Variants in CRYBG2 observed in about 807,000 individuals in gnomAD.
CRYBG2 encodes the protein beta/gamma crystallin domain-containing protein 2.
In CRYBG2, 106 loss-of-function variants were observed where a neutral mutation model predicts 153.4. The observed-to-expected ratio is 0.69, with a 90% CI of 0.59 to 0.81. CRYBG2 has a LOEUF of 0.81. Among genes scored for constraint, CRYBG2 ranks in the 30% least tolerant of loss-of-function variants. The pLI is 0.00. For missense variants in CRYBG2, 1,996 were observed against 2,112.0 expected (o/e 0.95, Z 1.08); for synonymous variants, 851 against 877.8 (o/e 0.97, Z 0.54).
Position 26,339,361 on chromosome 1 carries a change from T to C in CRYBG2, c.3273A>G (p.Thr1091=), listed in dbSNP as rs1330288194. The change falls in exon 6 of 20, where the codon ACA becomes ACG. Residue 1091 remains threonine (T), a synonymous_variant. Coordinates refer to ENST00000308182, the MANE Select transcript of CRYBG2 (RefSeq NM_001039775.4). The stretch of plus-strand genomic sequence containing the variant: ...GACCCTGGGAATTCTTCAAGGCCTC[T>C]GTTAGCTTCACTTGCTCCCCCTTGA... The part of the protein sequence containing the change: ...EGLKGEQVKL[T]EALKNSQGLE... The C allele has an allele frequency of 6.2e-7, 1 of 1,614,236 alleles. No homozygotes were observed. The highest frequency in any genetic ancestry group is 1.1e-5 in the South Asian group (1 of 91,086).
chr1:26,341,296 A>G (rs11247922), intron 5 of CRYBG2, among the ~76,000 whole-genome samples: 131,666 of 151,276 alleles, frequency 0.87, 58,208 homozygotes, highest in Non-Finnish European at 0.93. Context: ...AGCCGAGATC[A>G]TACCACTGCA....
In CRYBG2 at chr1:26,322,728, CTAAAGAT is replaced by C. The variant is rs542670148; in HGVS notation, c.4738-412_4738-406del. Among the ~76,000 whole-genome samples, 144 of 152,336 alleles carry C rather than the reference CTAAAGAT, an allele frequency of 9.5e-4. 1 individual carries two copies. The highest frequency in any genetic ancestry group is 3.4e-3 in the African/African-American group (140 of 41,576). ...AAGACCTGCCCCACGGTACTCTAGA[CTAAAGAT>C]TATAGGAGGCATTTGTGTGAAGAAC... is the stretch of plus-strand genomic sequence containing the variant. On this transcript the variant is annotated intron_variant, in intron 18 of 19. Transcript: ENST00000308182.
intron 17 of CRYBG2, among the ~76,000 whole-genome samples, chr1:26,326,395 G>A (rs1041095874): frequency 4.6e-5 from 7 of 151,676 alleles, no homozygotes; most frequent in Admixed American, 2.0e-4. Flanking sequence ...AAAATTAGCC[G>A]GGCATGGTGG....
chr1:26,344,261 C>T lies in CRYBG2; in HGVS notation c.2397G>A (p.Thr799=), dbSNP rs11247923. The change falls in exon 2 of 20, where the codon ACG becomes ACA. Residue 799 remains threonine (T), a synonymous_variant. Transcript: ENST00000308182. ...PRSSYLSMYA[T]LPAIEEDQLG... is the part of the protein sequence containing the mutation. ...GCTGGTCCTCCTCAATGGCAGGCAG[C>T]GTGGCGTACATGGACAGGTAGGAGG... 0.2 allele frequency: 308,615 copies of T among 1,532,760 alleles called. 31,837 individuals are homozygous for T. Among genetic ancestry groups the T allele is most frequent in the South Asian group, 0.24 (20,351 of 83,628 alleles). The allele number at this position is 1,532,760 out of a possible 1,614,324, so 94.9% of individuals were successfully genotyped here.
At chr1:26,331,091 T>C (rs1250188781) in intron 15 of CRYBG2, among the ~76,000 whole-genome samples, 1 of 152,198 alleles carries the variant, frequency 6.6e-6, no homozygotes, top group African/African-American at 2.4e-5. Flanking sequence ...GCCATCTTTC[T>C]AGCTGGTCCT....
At chr1:26,339,643 G>A (rs866132913) in intron 5 of CRYBG2, among the ~76,000 whole-genome samples, 39 of 152,182 alleles carry the variant, frequency 2.6e-4, no homozygotes, top group South Asian at 1.0e-3. Context: ...GCCTGAGGCA[G>A]GAGAATTGCT....
Position 26,345,977 on chromosome 1 carries a change from G to C in CRYBG2, c.681C>G (p.Gly227=). The C allele has an allele frequency of 6.3e-7, 1 of 1,593,598 alleles. No individual in the cohort carries two copies. Among genetic ancestry groups the C allele is most frequent in the South Asian group, 1.1e-5 (1 of 90,752 alleles). ...VPPVVVGSPP[G]SPSRSQAVKV... ...TCACGGCCTGGCTGCGGCTGGGCGA[G>C]CCTGGTGGGGAGCCCACCACCACTG... is the stretch of plus-strand genomic sequence containing the variant. Residue 227 remains glycine (G), a synonymous_variant, in exon 2 of 20, where the codon GGC becomes GGG. Transcript: ENST00000308182.
At chr1:26,337,128 G>C in intron 10 of CRYBG2, 125 bp downstream of exon 10, 1 of 1,550,002 alleles carries the variant, frequency 6.5e-7, no homozygotes, top group Non-Finnish European at 8.8e-7. Context: ...AGAGAGGCTA[G>C]ACCTCTGGGA....
Position 26,343,237 on chromosome 1 carries a change from C to T in CRYBG2, c.2961+9G>A. On this transcript the variant is annotated intron_variant, in intron 3 of 19. Transcript: ENST00000308182. The surrounding 1 kb of genome is among the most constrained non-coding windows in gnomAD (Gnocchi z 4.1). ...TGCTGCCCCCACCCACTTGCCCCCA[C>T]AACCCTACCTTTCCAGGCCTGGTGT... 6.4e-7 allele frequency: 1 copy of T among 1,550,560 alleles called. No individual in the cohort carries two copies. The highest frequency in any genetic ancestry group is 8.7e-7 in the Non-Finnish European group (1 of 1,147,008).
At chr1:26,342,028 C>T (rs2074137247) in intron 5 of CRYBG2, among the ~76,000 whole-genome samples, 1 of 152,176 alleles carries the variant, frequency 6.6e-6, no homozygotes, top group African/African-American at 2.4e-5. Flanking sequence ...AGATCTCCCC[C>T]CACTGCCTAT....
chr1:26,346,046 G>A lies in CRYBG2; in HGVS notation c.612C>T (p.Gly204=), dbSNP rs374469017. The part of the protein sequence containing the change: ...SSVTVRPVSS[G]EALPRGRQVS... ...CCTGACGGCCCCGTGGCAGGGCCTCGCCTGAGGACACTGGCCTCACAGTCA... is the reference window on the plus strand; with the variant it reads ...CCTGACGGCCCCGTGGCAGGGCCTCACCTGAGGACACTGGCCTCACAGTCA... Residue 204 remains glycine (G), a synonymous_variant, in exon 2 of 20, where the codon GGC becomes GGT. Transcript: ENST00000308182. This position sits in a 1 kb window ranked among gnomAD's most constrained non-coding sequence, Gnocchi z 4.9. The A allele has an allele frequency of 4.4e-5, 70 of 1,589,916 alleles. 1 individual carries two copies. The African/African-American group carries it at 6.5e-4, about 15-fold the overall frequency.
intron 15 of CRYBG2, among the ~76,000 whole-genome samples, chr1:26,329,173 C>T (rs1258467228): frequency 1.4e-4 from 14 of 98,642 alleles, no homozygotes; most frequent in East Asian, 2.8e-4. Context: ...TTATTCTAGG[C>T]TTTTTTTTTT....
chr1:26,348,847 C>T (rs947241393), intron 1 of CRYBG2, among the ~76,000 whole-genome samples: 16 of 151,174 alleles, frequency 1.1e-4, no homozygotes, highest in African/African-American at 2.7e-4. Context: ...TGAGCCACTG[C>T]GCCCGGCCTA....
rs148711978 is a variant in CRYBG2, at chr1:26,351,605, C to A, written c.-56+2431G>T. Among the ~76,000 whole-genome samples the A allele has an allele frequency of 4.5e-3, 689 of 152,256 alleles. 7 individuals carry two copies. Among genetic ancestry groups the A allele is most frequent in the African/African-American group, 0.015 (618 of 41,534 alleles). ...GACAGGAGAGCAATGTTAAAGGAGGCGGCCGATCATGAGATCAGATATTGT... is the reference window on the plus strand; with the variant it reads ...GACAGGAGAGCAATGTTAAAGGAGGAGGCCGATCATGAGATCAGATATTGT... On this transcript the variant is annotated intron_variant, in intron 1 of 19. Transcript: ENST00000308182.
In CRYBG2 at chr1:26,343,359, G is replaced by A. The variant is rs1191532937; in HGVS notation, c.2914-66C>T. ...CCTCTTTTCTGCCTCCCCACAACCC[G>A]CCATTCCAAGGATCCCACATCCTCC... On this transcript the variant is annotated intron_variant, in intron 2 of 19. Coordinates refer to ENST00000308182, the MANE Select transcript of CRYBG2 (RefSeq NM_001039775.4). The surrounding 1 kb of genome is among the most constrained non-coding windows in gnomAD (Gnocchi z 4.1). The A allele has an allele frequency of 4.6e-6, 7 of 1,508,264 alleles. No individual in the cohort carries two copies. Among genetic ancestry groups the A allele is most frequent in the South Asian group, 2.4e-5 (2 of 83,146 alleles). The allele number at this position is 1,508,264 out of a possible 1,614,324, so 93.4% of individuals were successfully genotyped here.
intron 1 of CRYBG2, among the ~76,000 whole-genome samples, chr1:26,348,048 G>A (rs370660255): frequency 3.2e-4 from 49 of 152,270 alleles, no homozygotes; most frequent in African/African-American, 1.0e-3. Context: ...ATCCTTCTGC[G>A]TTAACTCTCC....
rs780620483 is a variant in CRYBG2, at chr1:26,345,204, C to A, written c.1454G>T (p.Ser485Ile). The A allele has an allele frequency of 8.3e-6, 12 of 1,448,402 alleles. No individual in the cohort carries two copies. The highest frequency in any genetic ancestry group is 1.4e-5 in the African/African-American group (1 of 69,522). The allele number at this position is 1,448,402 out of a possible 1,614,324, so 89.7% of individuals were successfully genotyped here. ...GGTGGGGGACGAGGCAGCAGAAGCACTGGACCCCTGCACCACCTCCTTCCG... is the reference window on the plus strand; with the variant it reads ...GGTGGGGGACGAGGCAGCAGAAGCAATGGACCCCTGCACCACCTCCTTCCG... ...PTRKEVVQGS[S>I]ASAASSPTWK... is the part of the protein sequence containing the mutation. The change falls in exon 2 of 20, where the codon AGT becomes ATT. Residue 485 changes from serine to isoleucine, a missense_variant. Transcript: ENST00000308182.
At position 26,324,510 on chromosome 1, in the gene CRYBG2, A is replaced by T. The variant is rs1171940843; in HGVS notation, c.4579-200T>A. Among the ~76,000 whole-genome samples, 311 of 146,472 alleles carry T rather than the reference A, an allele frequency of 2.1e-3. 1 individual carries two copies. Among genetic ancestry groups the T allele is most frequent in the African/African-American group, 4.5e-3 (174 of 38,928 alleles). On this transcript the variant is annotated intron_variant, in intron 17 of 19. Transcript: ENST00000308182. Reference sequence around the variant, plus strand: ...ACATGTATCTCTCTCTCTCTCACACACACACACACACACACACACACACAC... The same window carrying T: ...ACATGTATCTCTCTCTCTCTCACACTCACACACACACACACACACACACAC...
chr1:26,340,144 C>G (rs902535766), intron 5 of CRYBG2, among the ~76,000 whole-genome samples: 1 of 152,196 alleles, frequency 6.6e-6, no homozygotes, highest in Non-Finnish European at 1.5e-5. Flanking sequence ...GCACGTCATC[C>G]CAGGAAGCAG....
Sources: gnomAD v4.1 joint callset for allele counts (sites outside exome capture counted in the v4.1 genomes callset) on GRCh38, gnomAD v4.1.1 for gene constraint, Gnocchi (gnomAD v3.1) non-coding constraint, MANE v1.5 for transcripts, NCBI Gene and HGNC (gene_info 2026-07-23, HGNC 2026-07-21) for gene names.